Variants in CYP7B1 observed in about 807,000 individuals in gnomAD.
The protein encoded by CYP7B1 is cytochrome P450 family 7 subfamily B member 1, also known as cytochrome P450 7B1.
Under a neutral mutation model 42.7 loss-of-function variants are expected in CYP7B1, and 29 were observed. The ratio of observed to expected loss-of-function variants is 0.68; its 90% CI spans 0.51 to 0.93. The LOEUF is 0.93. Ranked by LOEUF, CYP7B1 falls within the 40% of genes least tolerant of loss-of-function variation. The pLI is 0.00. For synonymous variants in CYP7B1, 235 were observed against 218.2 expected, an observed-to-expected ratio of 1.08 and a Z score of -0.68; for missense variants, 655 against 600.5, an observed-to-expected ratio of 1.09 and a Z score of -0.95.
At chr8:64,630,965 C>G (rs1393998121) in intron 1 of CYP7B1, among the ~76,000 whole-genome samples, 2 of 152,150 alleles carry the variant, frequency 1.3e-5, no homozygotes, top group East Asian at 3.9e-4. Context: ...CTAAGGAGGA[C>G]AGTGACCTGG....
chr8:64,625,117 G>A (rs868508324), intron 1 of CYP7B1, among the ~76,000 whole-genome samples: 13 of 152,026 alleles, frequency 8.6e-5, no homozygotes, highest in Non-Finnish European at 1.8e-4. Flanking sequence ...GGGACTACAG[G>A]CGCCTGCCAC....
intron 1 of CYP7B1, among the ~76,000 whole-genome samples, chr8:64,690,466 G>T (rs1214176520): frequency 6.6e-6 from 1 of 152,082 alleles, no homozygotes; most frequent in East Asian, 1.9e-4. Flanking sequence ...TTGGAGGAAG[G>T]GGTGGATAGA....
At chr8:64,673,803 C>T (rs1460943104) in intron 1 of CYP7B1, among the ~76,000 whole-genome samples, 1 of 152,018 alleles carries the variant, frequency 6.6e-6, no homozygotes, top group Admixed American at 6.6e-5. Flanking sequence ...AATCAGAGTA[C>T]ATGGAATAGA....
At chr8:64,624,646 C>A in intron 1 of CYP7B1, 107 bp from the exon 2 acceptor site, 1 of 1,269,412 alleles carries the variant, frequency 7.9e-7, no homozygotes, top group Non-Finnish European at 1.1e-6. Context: ...GCATGGATTG[C>A]ACTGCTTCTT....
intron 1 of CYP7B1, among the ~76,000 whole-genome samples, chr8:64,777,026 T>C (rs1804337216): frequency 6.6e-6 from 1 of 152,060 alleles, no homozygotes; most frequent in South Asian, 2.1e-4. Flanking sequence ...ATATCAAACT[T>C]ATACTAAATA....
chr8:64,639,610 T>A (rs766688563), intron 1 of CYP7B1, among the ~76,000 whole-genome samples: 3 of 152,106 alleles, frequency 2.0e-5, no homozygotes, highest in Admixed American at 6.6e-5. Context: ...ATGACTATTA[T>A]CAGGTGTTAG....
intron 1 of CYP7B1, among the ~76,000 whole-genome samples, chr8:64,727,442 CATG>C (rs1437002806): frequency 6.6e-6 from 1 of 152,090 alleles, no homozygotes; most frequent in African/African-American, 2.4e-5. Context: ...AGCCAATTTT[CATG>C]ATAATTCTCA....
At chr8:64,669,475 G>T (rs1452956675) in intron 1 of CYP7B1, among the ~76,000 whole-genome samples, 1 of 151,890 alleles carries the variant, frequency 6.6e-6, no homozygotes, top group African/African-American at 2.4e-5. Flanking sequence ...AAAATAAAAG[G>T]GCTTTTCACT....
chr8:64,774,130 T>C (rs766107655), intron 1 of CYP7B1, among the ~76,000 whole-genome samples: 8 of 152,170 alleles, frequency 5.3e-5, no homozygotes, highest in Non-Finnish European at 1.2e-4. Context: ...TAAGTCTGAC[T>C]CCTAACAATT....
intron 1 of CYP7B1, among the ~76,000 whole-genome samples, chr8:64,776,651 C>A (rs1172374347): frequency 6.6e-6 from 1 of 152,216 alleles, no homozygotes; most frequent in East Asian, 1.9e-4. Flanking sequence ...TATGCTCCCC[C>A]ACAATATGGC....
chr8:64,665,188 T>C (rs1428115664), intron 1 of CYP7B1, among the ~76,000 whole-genome samples: 3 of 152,168 alleles, frequency 2.0e-5, no homozygotes, highest in African/African-American at 7.2e-5. Flanking sequence ...CAATTAAAAG[T>C]TATGATTTTT....
At chr8:64,789,019 C>T (rs1417529403) in intron 1 of CYP7B1, among the ~76,000 whole-genome samples, 1 of 152,154 alleles carries the variant, frequency 6.6e-6, no homozygotes, top group Admixed American at 6.6e-5. Context: ...CTCCTGGGTT[C>T]AAATGATTCT....
chr8:64,605,049 C>G (rs1805259479), intron 4 of CYP7B1, among the ~76,000 whole-genome samples, 192 bp from the exon 5 acceptor site: 1 of 152,066 alleles, frequency 6.6e-6, no homozygotes, highest in Non-Finnish European at 1.5e-5. Context: ...TGGTCTGGCT[C>G]CAGCAAGGCT....
At chr8:64,797,931 T>C (rs570943280) in intron 1 of CYP7B1, among the ~76,000 whole-genome samples, 1 of 152,328 alleles carries the variant, frequency 6.6e-6, no homozygotes, top group Admixed American at 6.5e-5. Flanking sequence ...CTGCATAAAA[T>C]ACTCTCCATT....
intron 1 of CYP7B1, among the ~76,000 whole-genome samples, chr8:64,663,252 G>A (rs1456990524): frequency 1.3e-5 from 2 of 152,192 alleles, no homozygotes; most frequent in Non-Finnish European, 2.9e-5. Flanking sequence ...AATAGACAGT[G>A]AGGAATCATA....
chr8:64,782,125 CA>C (rs1804435557), intron 1 of CYP7B1, among the ~76,000 whole-genome samples: 1 of 152,112 alleles, frequency 6.6e-6, no homozygotes, highest in Admixed American at 6.6e-5. Context: ...GCTTTATAGC[CA>C]TGCTCTTTGC....
chr8:64,735,241 CTGCAAAATATGTCGCTT>C (rs1036209323), intron 1 of CYP7B1, among the ~76,000 whole-genome samples: 4 of 152,138 alleles, frequency 2.6e-5, no homozygotes, highest in African/African-American at 9.7e-5. Context: ...AAAATATGCA[CTGCAAAATATGTCGCTT>C]TGGCATAAGA....
chr8:64,717,644 G>A (rs11984562), intron 1 of CYP7B1, among the ~76,000 whole-genome samples: 28,012 of 151,852 alleles, frequency 0.18, 2,819 homozygotes, highest in African/African-American at 0.24. Context: ...CTTGAGCCCA[G>A]GAGTTTGAGA....
intron 1 of CYP7B1, among the ~76,000 whole-genome samples, chr8:64,692,828 A>G (rs964168467): frequency 6.6e-6 from 1 of 152,218 alleles, no homozygotes; most frequent in African/African-American, 2.4e-5. Flanking sequence ...TGTATGAATG[A>G]ATGAGGTTCT....
Sources: gnomAD v4.1 joint callset for allele counts (sites outside exome capture counted in the v4.1 genomes callset) on GRCh38, gnomAD v4.1.1 for gene constraint, MANE v1.5 for transcripts, NCBI Gene and HGNC (gene_info 2026-07-23, HGNC 2026-07-21) for gene names.